The following ERBB4 variants were observed in gnomAD, a reference collection of about 807,000 sequenced individuals.
ERBB4 encodes the protein receptor tyrosine-protein kinase erbB-4.
A neutral mutation model predicts 158.0 loss-of-function variants in ERBB4; 42 were observed. The observed-to-expected ratio is 0.27, with a 90% CI of 0.21 to 0.34. The LOEUF is 0.34. Ranked by LOEUF, ERBB4 falls within the 10% of genes least tolerant of loss-of-function variation. The pLI is 1.00. For synonymous variants in ERBB4, 583 were observed against 558.7 expected (o/e 1.04, Z -0.61); for missense variants, 1,333 against 1,624.1 (o/e 0.82, Z 3.08).
intron 3 of ERBB4, among the ~76,000 whole-genome samples, chr2:211,808,994 C>A (rs1411563952): frequency 6.6e-6 from 1 of 152,170 alleles, no homozygotes. Flanking sequence ...TGAGACTTTG[C>A]TGAAGTTGCC....
At chr2:212,395,351 TA>T (rs2090993442) in intron 1 of ERBB4, among the ~76,000 whole-genome samples, 1 of 151,900 alleles carries the variant, frequency 6.6e-6, no homozygotes, top group African/African-American at 2.4e-5. Context: ...ATTATAATAA[TA>T]TTTTACAATT....
At chr2:212,068,164 T>G (rs775007554) in intron 2 of ERBB4, among the ~76,000 whole-genome samples, 1 of 152,066 alleles carries the variant, frequency 6.6e-6, no homozygotes, top group Non-Finnish European at 1.5e-5. Flanking sequence ...AAGTTTTCAA[T>G]GTTTGTATGC....
At chr2:211,496,538 T>TAA (rs939615748) in intron 20 of ERBB4, among the ~76,000 whole-genome samples, 4 of 143,474 alleles carry the variant, frequency 2.8e-5, no homozygotes, top group African/African-American at 1.0e-4. Flanking sequence ...AAATTTCTCC[T>TAA]AAAAAAAAAA....
chr2:211,407,236 T>C (rs2063165869), intron 25 of ERBB4, among the ~76,000 whole-genome samples: 1 of 152,206 alleles, frequency 6.6e-6, no homozygotes, highest in Non-Finnish European at 1.5e-5. Flanking sequence ...AATACACTTA[T>C]ATGTAATTAC....
chr2:211,637,873 T>C lies in ERBB4; in HGVS notation c.1947-7279A>G, dbSNP rs146624392. The stretch of plus-strand genomic sequence containing the variant: ...GTATTTTTTCTCTTTCTAAAGATGA[T>C]ATATTTACACAAATATCATTATTCA... On this transcript the variant is annotated intron_variant, in intron 16 of 27. Coordinates refer to ENST00000342788, the MANE Select transcript of ERBB4 (RefSeq NM_005235.3). Among the ~76,000 whole-genome samples, 231 of 152,084 alleles carry C rather than the reference T, an allele frequency of 1.5e-3. 2 individuals carry two copies. In the East Asian group the frequency reaches 0.039, roughly 26 times the overall value.
At chr2:212,485,800 A>C (rs183842545) in intron 1 of ERBB4, among the ~76,000 whole-genome samples, 1 of 152,090 alleles carries the variant, frequency 6.6e-6, no homozygotes, top group African/African-American at 2.4e-5. Flanking sequence ...GGGCTTTCTC[A>C]TAGGTGGCAC....
chr2:212,178,877 A>G (rs898292082), intron 1 of ERBB4, among the ~76,000 whole-genome samples: 2 of 151,742 alleles, frequency 1.3e-5, no homozygotes, highest in African/African-American at 4.8e-5. Flanking sequence ...TAGTCTAGAT[A>G]AAGGTATTGC....
At chr2:212,148,446 G>T (rs1323410992) in intron 1 of ERBB4, among the ~76,000 whole-genome samples, 1 of 152,074 alleles carries the variant, frequency 6.6e-6, no homozygotes, top group Non-Finnish European at 1.5e-5. Context: ...AAAACATATA[G>T]GATGGCATTA....
intron 17 of ERBB4, among the ~76,000 whole-genome samples, chr2:211,625,289 C>T (rs1414378661): frequency 6.6e-6 from 1 of 152,118 alleles, no homozygotes; most frequent in Admixed American, 6.5e-5. Context: ...CTCAAACTGT[C>T]TTGAACCCAC....
At chr2:212,088,567 G>A (rs940544925) in intron 2 of ERBB4, among the ~76,000 whole-genome samples, 1 of 152,056 alleles carries the variant, frequency 6.6e-6, no homozygotes, top group African/African-American at 2.4e-5. Context: ...CACCCTGGTT[G>A]GTAGTCCCTG....
chr2:212,444,058 T>C (rs557717696), intron 1 of ERBB4, among the ~76,000 whole-genome samples: 3 of 152,202 alleles, frequency 2.0e-5, no homozygotes, highest in Admixed American at 2.0e-4. Flanking sequence ...CACATGTAAG[T>C]TACATGAGGA....
chr2:211,985,913 C>T (rs1229894695), intron 2 of ERBB4, among the ~76,000 whole-genome samples: 1 of 152,042 alleles, frequency 6.6e-6, no homozygotes, highest in Non-Finnish European at 1.5e-5. Flanking sequence ...ATACTGTTCC[C>T]AAAATTTCAT....
chr2:212,187,698 T>C (rs2082056026), intron 1 of ERBB4, among the ~76,000 whole-genome samples: 1 of 152,132 alleles, frequency 6.6e-6, no homozygotes, highest in East Asian at 1.9e-4. Context: ...AAAAGAGACA[T>C]TTAAGTGACT....
At chr2:212,416,298 C>T (rs567470071) in intron 1 of ERBB4, among the ~76,000 whole-genome samples, 2 of 152,226 alleles carry the variant, frequency 1.3e-5, no homozygotes, top group South Asian at 2.1e-4. Context: ...AGATACACAT[C>T]AAGCCCTGCA....
chr2:211,990,740 C>G (rs1050125512), intron 2 of ERBB4, among the ~76,000 whole-genome samples: 3 of 151,776 alleles, frequency 2.0e-5, no homozygotes, highest in African/African-American at 7.2e-5. Flanking sequence ...GTATCCTCGA[C>G]CAGCATCTCT....
chr2:212,321,386 A>G (rs1307340734), intron 1 of ERBB4, among the ~76,000 whole-genome samples: 1 of 150,590 alleles, frequency 6.6e-6, no homozygotes, highest in East Asian at 2.0e-4. Context: ...AATATAATTT[A>G]AGACACTGAA....
chr2:211,469,569 T>C (rs1316464591), intron 20 of ERBB4, among the ~76,000 whole-genome samples: 1 of 152,188 alleles, frequency 6.6e-6, no homozygotes, highest in Non-Finnish European at 1.5e-5. Context: ...GAGGAAGATC[T>C]TATAATGACA....
At position 212,397,378 on chromosome 2, in the gene ERBB4, C is replaced by T. The variant is rs565830466; in HGVS notation, c.82+141071G>A. The stretch of plus-strand genomic sequence containing the variant: ...GTCCCAGCTACTCAAGAGGCTGAGG[C>T]GAGAGTATCAGTTGAGCCTTAGAGG... On this transcript the variant is annotated intron_variant, in intron 1 of 27. Coordinates refer to ENST00000342788, the MANE Select transcript of ERBB4 (RefSeq NM_005235.3). 1.3e-4 allele frequency among the ~76,000 whole-genome samples: 20 copies of T among 151,918 alleles called. No homozygotes were observed. The East Asian group carries it at 2.1e-3, about 16-fold the overall frequency.
intron 2 of ERBB4, among the ~76,000 whole-genome samples, chr2:212,078,941 T>C (rs924066703): frequency 1.3e-5 from 2 of 151,196 alleles, no homozygotes; most frequent in East Asian, 3.9e-4. Flanking sequence ...ATATACATAC[T>C]TTTTAATAAC....
Sources: allele counts gnomAD v4.1 joint callset (sites outside exome capture counted in the v4.1 genomes callset), GRCh38; gene constraint gnomAD v4.1.1; transcripts MANE v1.5; gene names NCBI Gene and HGNC (gene_info 2026-07-23, HGNC 2026-07-21).